Variants in EPB41 observed in about 807,000 individuals in gnomAD.
EPB41 encodes protein 4.1.
Under a neutral mutation model 108.0 loss-of-function variants are expected in EPB41, and 65 were observed. The ratio of observed to expected loss-of-function variants is 0.60; its 90% confidence interval spans 0.49 to 0.74. The LOEUF (loss-of-function observed/expected upper bound fraction) is 0.74. EPB41 is among the 30% of genes least tolerant of loss of function. EPB41 has a pLI of 0.00. For missense variants in EPB41, 875 were observed against 1,037.0 expected, an observed-to-expected ratio of 0.84 and a Z score of 2.15; for synonymous variants, 336 against 358.9, an observed-to-expected ratio of 0.94 and a Z score of 0.72.
At chr1:28,978,306 C>T (rs1168980037) in intron 1 of EPB41, among the ~76,000 whole-genome samples, 1 of 151,470 alleles carries the variant, frequency 6.6e-6, no homozygotes, top group East Asian at 1.9e-4. Flanking sequence ...CCAAAAGACA[C>T]AATCCTAAAC....
chr1:29,087,230 C>T (rs575251489), intron 16 of EPB41, among the ~76,000 whole-genome samples: 15 of 150,918 alleles, frequency 9.9e-5, no homozygotes, highest in Admixed American at 8.6e-4. Context: ...TGTGAGCCAC[C>T]GTGCCCAGCC....
chr1:28,980,231 A>G (rs1276017967), intron 1 of EPB41, among the ~76,000 whole-genome samples: 1 of 152,098 alleles, frequency 6.6e-6, no homozygotes, highest in Non-Finnish European at 1.5e-5. Flanking sequence ...TCAGCTACTT[A>G]GGAGGCTGAG....
At chr1:28,888,378 C>T (rs2089695109) in intron 1 of EPB41, among the ~76,000 whole-genome samples, 2 of 152,340 alleles carry the variant, frequency 1.3e-5, no homozygotes, top group South Asian at 2.1e-4. Context: ...AGCTCCCTAC[C>T]TCCACCCAGT....
At position 29,033,244 on chromosome 1, in the gene EPB41, A is replaced by T. The variant is rs1452035407; in HGVS notation, c.1364A>T (p.Glu455Val). Residue 455 changes from glutamate to valine, a missense_variant and splice_region_variant, in exon 9 of 21, where the codon GAG (glutamate) becomes GTG (valine). This residue lies in a region of EPB41 where 519 missense variants were observed against 627.3 expected (regional missense o/e 0.83). Coordinates refer to ENST00000343067, the MANE Select transcript of EPB41 (RefSeq NM_001376013.1). ...SSFFIKIRPG[E>V]QEQYESTIGF... ...TTTTTCATCAAGATTCGGCCTGGAG[A>T]GGTACAGAATTTATATTTCCTTCCT... The T allele has an allele frequency of 3.1e-6, 5 of 1,613,796 alleles. No individual in the cohort carries two copies. The highest frequency in any genetic ancestry group is 4.2e-6 in the Non-Finnish European group (5 of 1,179,858).
chr1:28,960,436 T>G (rs2095155909), intron 1 of EPB41, among the ~76,000 whole-genome samples: 1 of 151,718 alleles, frequency 6.6e-6, no homozygotes, highest in South Asian at 2.1e-4. Context: ...TGGTCAAGTT[T>G]GCTATAACTG....
At chr1:28,898,104 C>G (rs1401797504) in intron 1 of EPB41, among the ~76,000 whole-genome samples, 1 of 152,090 alleles carries the variant, frequency 6.6e-6, no homozygotes, top group Non-Finnish European at 1.5e-5. Context: ...TGAGCACTGT[C>G]GTTGGTGTGG....
At chr1:28,900,043 G>A (rs2091113647) in intron 1 of EPB41, among the ~76,000 whole-genome samples, 1 of 152,204 alleles carries the variant, frequency 6.6e-6, no homozygotes, top group Non-Finnish European at 1.5e-5. Context: ...GTAGCTGACA[G>A]ACATGGTGGA....
At chr1:29,015,612 A>G (rs2096568322) in intron 5 of EPB41, 80 bp from the exon 6 acceptor site, 5 of 880,368 alleles carry the variant, frequency 5.7e-6, no homozygotes, top group Non-Finnish European at 9.2e-6. Context: ...AAAAAGAGAA[A>G]TGTTTGAATA....
intron 1 of EPB41, among the ~76,000 whole-genome samples, chr1:28,971,186 T>C (rs1168046503): frequency 7.6e-6 from 1 of 130,794 alleles, no homozygotes; most frequent in Non-Finnish European, 1.6e-5. Context: ...CTTTCTTTTT[T>C]TTTTTTTTTT....
At chr1:29,016,232 A>G (rs1384413413) in intron 6 of EPB41, among the ~76,000 whole-genome samples, 1 of 151,640 alleles carries the variant, frequency 6.6e-6, no homozygotes, top group African/African-American at 2.4e-5. Context: ...CTGGAGTGCA[A>G]TGGCACGATC....
At chr1:28,930,871 T>C (rs79129692) in intron 1 of EPB41, among the ~76,000 whole-genome samples, 4,042 of 152,306 alleles carry the variant, frequency 0.027, 122 homozygotes, top group African/African-American at 0.071. Context: ...TCCTGTGGTA[T>C]ATTGTACCTT....
intron 17 of EPB41, among the ~76,000 whole-genome samples, chr1:29,103,390 C>G (rs1006297859): frequency 6.6e-6 from 1 of 152,164 alleles, no homozygotes; most frequent in African/African-American, 2.4e-5. Flanking sequence ...TGACAGAGCC[C>G]GTGGGCTTTG....
chr1:28,942,023 A>G (rs140855115), intron 1 of EPB41, among the ~76,000 whole-genome samples: 2 of 152,134 alleles, frequency 1.3e-5, no homozygotes, highest in Non-Finnish European at 2.9e-5. Context: ...CCGTAATCCT[A>G]TTAATGCTAA....
At chr1:28,918,341 C>T (rs1407825673) in intron 1 of EPB41, among the ~76,000 whole-genome samples, 1 of 152,090 alleles carries the variant, frequency 6.6e-6, no homozygotes, top group East Asian at 1.9e-4. Context: ...CATGAACCAC[C>T]ACACCCAGCC....
intron 11 of EPB41, among the ~76,000 whole-genome samples, chr1:29,046,383 T>C (rs918954088): frequency 1.3e-5 from 2 of 152,038 alleles, no homozygotes; most frequent in East Asian, 3.9e-4. Context: ...CACCTCGGCC[T>C]CCCAAAGTGC....
rs150467676 is a variant in EPB41, at chr1:29,010,607, G to A, written c.787-1258G>A. Among the ~76,000 whole-genome samples, 4 of 152,296 alleles carry A rather than the reference G, an allele frequency of 2.6e-5. No homozygotes were observed. In the East Asian group the frequency reaches 7.7e-4, roughly 29 times the overall value. On this transcript the variant is annotated intron_variant, in intron 4 of 20. Coordinates refer to ENST00000343067, the MANE Select transcript of EPB41 (RefSeq NM_001376013.1). ...TTTCTCAAAGGGACCTATGAAAGAT[G>A]TTAATGGTGAGGTTCTTTTCCAGTG...
intron 1 of EPB41, among the ~76,000 whole-genome samples, chr1:28,941,733 T>TA (rs1557749974): frequency 6.6e-6 from 1 of 151,612 alleles, no homozygotes; most frequent in East Asian, 2.0e-4. Context: ...CCGTCTCTAC[T>TA]AAAAATACAA....
At chr1:29,027,368 G>T (rs186608983) in intron 7 of EPB41, among the ~76,000 whole-genome samples, 1 of 145,714 alleles carries the variant, frequency 6.9e-6, no homozygotes, top group Non-Finnish European at 1.5e-5. Context: ...AGTTTCATTC[G>T]TTGCCCAGGC....
chr1:29,003,772 G>C (rs1259774227), intron 4 of EPB41, among the ~76,000 whole-genome samples: 1 of 152,152 alleles, frequency 6.6e-6, no homozygotes, highest in Admixed American at 6.5e-5. Context: ...AAGACAAGTG[G>C]AAAAGCGGTA....
Sources: allele counts gnomAD v4.1 joint callset (sites outside exome capture counted in the v4.1 genomes callset), GRCh38; gene constraint gnomAD v4.1.1; regional missense constraint gnomAD v4.1.1; transcripts MANE v1.5; gene names NCBI Gene and HGNC (gene_info 2026-07-23, HGNC 2026-07-21).